CDK19: variants seen among roughly 807,000 people sequenced by gnomAD.
CDK19 encodes the protein cyclin-dependent kinase 19.
Under a neutral mutation model 68.3 loss-of-function variants are expected in CDK19, and 20 were observed. The observed-to-expected ratio is 0.29, with a 90% CI of 0.21 to 0.43. The LOEUF (loss-of-function observed/expected upper bound fraction) is 0.43, where lower values mean the gene tolerates loss of function less well. Ranked by LOEUF, CDK19 falls within the 20% of genes least tolerant of loss-of-function variation. CDK19 has a pLI of 1.00. For missense variants in CDK19, 339 were observed against 623.5 expected (o/e 0.54, Z 4.86); for synonymous variants, 221 against 222.8 (o/e 0.99, Z 0.07).
chr6:110,709,402 T>C (rs1041409847), intron 2 of CDK19, among the ~76,000 whole-genome samples: 2 of 151,818 alleles, frequency 1.3e-5, no homozygotes, highest in Non-Finnish European at 1.5e-5. Flanking sequence ...AAATACCTAA[T>C]GTAGATGACG....
Position 110,736,170 on chromosome 6 carries a change from T to C in CDK19, c.204+9956A>G, listed in dbSNP as rs565418795. 1.1e-3 allele frequency among the ~76,000 whole-genome samples: 175 copies of C among 152,174 alleles called. 1 individual carries two copies. The highest frequency in any genetic ancestry group is 4.1e-3 in the African/African-American group (169 of 41,526). On this transcript the variant is annotated intron_variant, in intron 2 of 12. Coordinates refer to ENST00000368911, the MANE Select transcript of CDK19 (RefSeq NM_015076.5). ...CAGCCTGACCAATATGGAGAAACCC[T>C]GTCTCTACTAAAAATACAAAATTAG...
At chr6:110,812,221 C>T (rs574857430) in intron 1 of CDK19, among the ~76,000 whole-genome samples, 7 of 151,800 alleles carry the variant, frequency 4.6e-5, no homozygotes, top group Admixed American at 3.9e-4. Context: ...CCCGGGTTCA[C>T]GCCATTGTCC....
rs142090383 is a variant in CDK19 at position 110,796,628 on chromosome 6, A to G, written c.128+18381T>C. 2.0e-5 allele frequency among the ~76,000 whole-genome samples: 3 copies of G among 152,214 alleles called. No individual in the cohort carries two copies. The East Asian group carries it at 5.8e-4, about 29-fold the overall frequency. The stretch of plus-strand genomic sequence containing the variant: ...CGTACCACTGCACCCCAACCTGAGC[A>G]ATATAGTGAGACCATTTCAAATAAA... On this transcript the variant is annotated intron_variant, in intron 1 of 12. Coordinates refer to ENST00000368911, the MANE Select transcript of CDK19 (RefSeq NM_015076.5).
chr6:110,815,035 G>A lies in CDK19; in HGVS notation c.102C>T (p.His34=), dbSNP rs767705372. ...GCKVGRGTYG[H]VYKARRKDGK... ...CATCTTTCCGCCTCGCCTTGTAGACGTGACCGTAGGTGCCGCGTCCCACTT... is the reference window on the plus strand; with the variant it reads ...CATCTTTCCGCCTCGCCTTGTAGACATGACCGTAGGTGCCGCGTCCCACTT... The change falls in exon 1 of 13, where the codon CAC becomes CAT. Residue 34 remains histidine (H), a synonymous_variant. Transcript: ENST00000368911. 4 of 1,604,108 alleles carry A rather than the reference G, an allele frequency of 2.5e-6. No individual in the cohort carries two copies. The highest frequency in any genetic ancestry group is 2.6e-6 in the Non-Finnish European group (3 of 1,176,160).
chr6:110,810,489 G>C (rs1783002868), intron 1 of CDK19, among the ~76,000 whole-genome samples: 1 of 152,158 alleles, frequency 6.6e-6, no homozygotes, highest in African/African-American at 2.4e-5. Context: ...AAAAGCAGCA[G>C]CATGGCCAGG....
chr6:110,631,736 C>G (rs1222122466), intron 6 of CDK19, among the ~76,000 whole-genome samples: 1 of 152,160 alleles, frequency 6.6e-6, no homozygotes, highest in Non-Finnish European at 1.5e-5. Context: ...TTCTTCTGAT[C>G]AACAGCTACT....
At chr6:110,615,404 G>T (rs1023713077) in intron 12 of CDK19, among the ~76,000 whole-genome samples, 3 of 152,128 alleles carry the variant, frequency 2.0e-5, no homozygotes, top group Non-Finnish European at 2.9e-5. Flanking sequence ...TATAGAATAA[G>T]AACAGTATGT....
At chr6:110,675,508 T>A (rs1771437986) in intron 2 of CDK19, among the ~76,000 whole-genome samples, 1 of 150,690 alleles carries the variant, frequency 6.6e-6, no homozygotes, top group South Asian at 2.1e-4. Flanking sequence ...ATGCCTGTAA[T>A]CCCAGCTACT....
intron 4 of CDK19, among the ~76,000 whole-genome samples, chr6:110,664,170 C>A (rs1212298867): frequency 6.6e-6 from 1 of 152,164 alleles, no homozygotes; most frequent in African/African-American, 2.4e-5. Context: ...ACCAGAACTG[C>A]ACATCCTTTC....
intron 1 of CDK19, among the ~76,000 whole-genome samples, chr6:110,809,084 G>A (rs1413925505): frequency 6.6e-6 from 1 of 151,770 alleles, no homozygotes; most frequent in African/African-American, 2.4e-5. Flanking sequence ...GCATGGTGGT[G>A]GGCGCCTGTA....
chr6:110,670,028 A>C (rs912080551), intron 3 of CDK19, among the ~76,000 whole-genome samples: 1 of 151,994 alleles, frequency 6.6e-6, no homozygotes, highest in Non-Finnish European at 1.5e-5. Flanking sequence ...ATGGTGGTGC[A>C]TGCCTATAAT....
chr6:110,699,911 A>G (rs918666527), intron 2 of CDK19, among the ~76,000 whole-genome samples: 8 of 152,212 alleles, frequency 5.3e-5, no homozygotes, highest in African/African-American at 1.9e-4. Flanking sequence ...CCCCTGGGCC[A>G]TGGACCCATA....
intron 2 of CDK19, among the ~76,000 whole-genome samples, chr6:110,732,239 T>TA (rs1776817892): frequency 6.6e-6 from 1 of 152,148 alleles, no homozygotes; most frequent in Non-Finnish European, 1.5e-5. Flanking sequence ...CTCATGCCTG[T>TA]AATCCCAGCA....
chr6:110,631,989 C>T (rs756428314), intron 6 of CDK19, 41 bp downstream of exon 6: 86 of 1,542,474 alleles, frequency 5.6e-5, no homozygotes, highest in Non-Finnish European at 7.2e-5. Flanking sequence ...TATTTATGAT[C>T]GTTAGATGAC....
chr6:110,688,769 A>G (rs1004011345), intron 2 of CDK19, among the ~76,000 whole-genome samples: 13 of 152,314 alleles, frequency 8.5e-5, no homozygotes, highest in African/African-American at 3.1e-4. Flanking sequence ...GAGGGAAGCC[A>G]TTCTACCTCA....
At position 110,622,132 on chromosome 6, in the gene CDK19, G is replaced by T; in HGVS notation, c.1066C>A (p.Arg356=). ...GGATCATCTTCATTAAGGAATTCTC[G>T]TTTGGGGTATGGAATCTGGCAGCCG... ...FAGCQIPYPK[R]EFLNEDDPEE... is the part of the protein sequence containing the mutation. The change falls in exon 11 of 13, where the codon CGA becomes AGA. Residue 356 remains arginine (R), a synonymous_variant. Coordinates refer to ENST00000368911, the MANE Select transcript of CDK19 (RefSeq NM_015076.5). 6.2e-7 allele frequency: 1 copy of T among 1,612,344 alleles called. No individual in the cohort carries two copies. Among genetic ancestry groups the T allele is most frequent in the African/African-American group, 1.3e-5 (1 of 74,956 alleles).
rs66578190 is a variant in CDK19, at chr6:110,785,074, CAAA to C, written c.128+29932_128+29934del. ...CATATGCTAAAAACCACTGAATTGTCAAAAAAAAAAAAAAAAAAAAGCCCCTGG... is the reference window on the plus strand; with the variant it reads ...CATATGCTAAAAACCACTGAATTGTCAAAAAAAAAAAAAAAAAGCCCCTGG... On this transcript the variant is annotated intron_variant, in intron 1 of 12. Transcript: ENST00000368911. Among the ~76,000 whole-genome samples, 10 of 64,936 alleles carry C rather than the reference CAAA, an allele frequency of 1.5e-4. No homozygotes were observed. The South Asian group carries it at 2.4e-3, about 16-fold the overall frequency. The allele number at this position is 64,936 out of a possible 152,430, so 42.6% of individuals were successfully genotyped here.
intron 4 of CDK19, among the ~76,000 whole-genome samples, chr6:110,657,987 T>C (rs1040989742): frequency 1.3e-5 from 2 of 151,708 alleles, no homozygotes; most frequent in African/African-American, 4.8e-5. Flanking sequence ...TGAACTCAGA[T>C]GATGAAAAAA....
chr6:110,721,972 A>G (rs1349633267), intron 2 of CDK19, among the ~76,000 whole-genome samples: 2 of 152,200 alleles, frequency 1.3e-5, no homozygotes, highest in Non-Finnish European at 2.9e-5. Flanking sequence ...TCAAAAAAAA[A>G]AGAGTAAGAT....
Sources: gnomAD v4.1 joint callset for allele counts (sites outside exome capture counted in the v4.1 genomes callset) on GRCh38, gnomAD v4.1.1 for gene constraint, MANE v1.5 for transcripts, NCBI Gene and HGNC (gene_info 2026-07-23, HGNC 2026-07-21) for gene names.